The following GRM8 variants were observed in gnomAD, a reference collection of about 807,000 sequenced individuals.
GRM8 encodes the protein glutamate metabotropic receptor 8.
Under a neutral mutation model 87.2 loss-of-function variants are expected in GRM8, and 47 were observed. That is an observed-to-expected ratio of 0.54 (90% CI 0.43 to 0.69). The LOEUF (loss-of-function observed/expected upper bound fraction) is 0.69. Ranked by LOEUF, GRM8 falls within the 30% of genes least tolerant of loss-of-function variation. GRM8 has a pLI of 0.00. For synonymous variants in GRM8, 396 were observed against 404.5 expected (o/e 0.98, Z 0.25); for missense variants, 1,019 against 1,139.2 (o/e 0.89, Z 1.52).
chr7:126,592,518 G>C (rs185097903), intron 8 of GRM8, among the ~76,000 whole-genome samples: 128 of 151,936 alleles, frequency 8.4e-4, no homozygotes, highest in African/African-American at 2.7e-3. Flanking sequence ...TAACTGAAGG[G>C]AGAACAAAAA....
chr7:127,236,751 C>T (rs1222133654), intron 2 of GRM8, among the ~76,000 whole-genome samples: 1 of 152,178 alleles, frequency 6.6e-6, no homozygotes, highest in Non-Finnish European at 1.5e-5. Context: ...TCTTTCCTAT[C>T]TATTCAACAC....
At chr7:126,708,580 T>C (rs1176942139) in intron 7 of GRM8, among the ~76,000 whole-genome samples, 1 of 150,622 alleles carries the variant, frequency 6.6e-6, no homozygotes, top group African/African-American at 2.4e-5. Context: ...ATATATCACA[T>C]AGAGAGAGCT....
At chr7:127,071,218 T>C (rs751361012) in intron 3 of GRM8, among the ~76,000 whole-genome samples, 2 of 152,068 alleles carry the variant, frequency 1.3e-5, no homozygotes, top group Non-Finnish European at 2.9e-5. Flanking sequence ...GGAAAAAAAA[T>C]ACCTAAAAAG....
intron 3 of GRM8, among the ~76,000 whole-genome samples, chr7:126,920,822 C>G (rs193076114): frequency 6.6e-6 from 1 of 150,996 alleles, no homozygotes; most frequent in Admixed American, 6.6e-5. Flanking sequence ...TAACTTATCT[C>G]CCCCCACCCA....
intron 6 of GRM8, among the ~76,000 whole-genome samples, chr7:126,779,111 T>C (rs1260685122): frequency 6.6e-6 from 1 of 152,074 alleles, no homozygotes; most frequent in Non-Finnish European, 1.5e-5. Context: ...CCTTAATCTT[T>C]CATTAAGATT....
intron 3 of GRM8, among the ~76,000 whole-genome samples, chr7:127,087,392 C>G (rs1401842672): frequency 6.6e-6 from 1 of 152,148 alleles, no homozygotes. Flanking sequence ...GTGGGAGAAT[C>G]CTAGACTTCA....
rs996495149 is a variant in GRM8 at position 126,460,962 on chromosome 7, A to G, written c.2431-14590T>C. ...TCACTCAGAAGCCCTAGGCATCTAA[A>G]TCTCCTAGGACAGTGAACTCAGACA... On this transcript the variant is annotated intron_variant, in intron 9 of 10. Transcript: ENST00000339582. Among the ~76,000 whole-genome samples the G allele has an allele frequency of 2.0e-5, 3 of 151,508 alleles. No homozygotes were observed. The East Asian group carries it at 5.8e-4, about 30-fold the overall frequency.
intron 2 of GRM8, among the ~76,000 whole-genome samples, chr7:127,135,261 A>G (rs553186232): frequency 2.0e-5 from 3 of 152,256 alleles, no homozygotes; most frequent in Admixed American, 2.0e-4. Flanking sequence ...AAGAATGCCC[A>G]TTTCCATATA....
At chr7:126,815,146 T>A (rs1224574440) in intron 6 of GRM8, among the ~76,000 whole-genome samples, 4 of 152,270 alleles carry the variant, frequency 2.6e-5, no homozygotes, top group Middle Eastern at 3.4e-3. Flanking sequence ...CAACCTCATG[T>A]CATGAATAAT....
At chr7:126,714,320 T>TAAA (rs1811481583) in intron 7 of GRM8, among the ~76,000 whole-genome samples, 2 of 136,036 alleles carry the variant, frequency 1.5e-5, no homozygotes, top group South Asian at 4.7e-4. Flanking sequence ...ATAATAATAA[T>TAAA]AATAAATAGT....
chr7:127,091,247 G>A (rs1233064143), intron 3 of GRM8, among the ~76,000 whole-genome samples: 1 of 151,968 alleles, frequency 6.6e-6, no homozygotes, highest in Non-Finnish European at 1.5e-5. Context: ...AGAATCAGCT[G>A]ACCACAGCAG....
chr7:127,029,035 G>A (rs983653334), intron 3 of GRM8, among the ~76,000 whole-genome samples: 2 of 152,092 alleles, frequency 1.3e-5, no homozygotes, highest in African/African-American at 4.8e-5. Flanking sequence ...GGTACGTTGT[G>A]TCTTTGTTCT....
intron 6 of GRM8, among the ~76,000 whole-genome samples, chr7:126,894,783 C>G (rs1468463594): frequency 6.6e-6 from 1 of 152,014 alleles, no homozygotes; most frequent in Admixed American, 6.6e-5. Context: ...AGGAAAGAAG[C>G]AAGTATCAAA....
intron 2 of GRM8, among the ~76,000 whole-genome samples, chr7:127,128,571 T>C (rs555399108): frequency 1.3e-5 from 2 of 152,296 alleles, no homozygotes; most frequent in South Asian, 2.1e-4. Flanking sequence ...CTAATTATTG[T>C]AAACTTTCCA....
At chr7:126,474,223 C>T (rs932911181) in intron 9 of GRM8, among the ~76,000 whole-genome samples, 15 of 151,928 alleles carry the variant, frequency 9.9e-5, no homozygotes, top group African/African-American at 3.4e-4. Context: ...TACACACACA[C>T]GTACACACAT....
chr7:126,452,542 T>C (rs1465172023), intron 9 of GRM8, among the ~76,000 whole-genome samples: 2 of 151,020 alleles, frequency 1.3e-5, no homozygotes, highest in Non-Finnish European at 3.0e-5. Flanking sequence ...ATATAACTCA[T>C]GTATTTCCAA....
intron 7 of GRM8, among the ~76,000 whole-genome samples, chr7:126,638,671 A>T (rs2151196227): frequency 6.6e-6 from 1 of 152,306 alleles, no homozygotes; most frequent in South Asian, 2.1e-4. Flanking sequence ...AGTATAAATC[A>T]CTAGGATGTA....
chr7:126,618,325 T>C (rs1481232267), intron 7 of GRM8, among the ~76,000 whole-genome samples: 5 of 152,210 alleles, frequency 3.3e-5, no homozygotes, highest in African/African-American at 7.2e-5. Context: ...GCTAGCCATA[T>C]GTAGAAAGCT....
intron 3 of GRM8, among the ~76,000 whole-genome samples, chr7:127,037,534 C>T (rs1162879328): frequency 2.0e-5 from 3 of 152,194 alleles, no homozygotes; most frequent in Middle Eastern, 3.2e-3. Context: ...ACTTACCTGG[C>T]ATTCTGGACA....
Sources: allele counts gnomAD v4.1 joint callset (sites outside exome capture counted in the v4.1 genomes callset), GRCh38; gene constraint gnomAD v4.1.1; transcripts MANE v1.5; gene names NCBI Gene and HGNC (gene_info 2026-07-23, HGNC 2026-07-21).